Variants in SRGAP3 observed in about 807,000 individuals in gnomAD.
SRGAP3 encodes SLIT-ROBO Rho GTPase-activating protein 3.
SRGAP3 carries 39 observed loss-of-function variants against 121.1 expected under a neutral mutation model. The observed-to-expected ratio is 0.32, with a 90% CI of 0.25 to 0.42. The LOEUF (loss-of-function observed/expected upper bound fraction) is 0.42, where lower values mean the gene tolerates loss of function less well. Ranked by LOEUF, SRGAP3 falls within the 10% of genes least tolerant of loss-of-function variation. SRGAP3 has a pLI of 1.00. For missense variants in SRGAP3, 1,213 were observed against 1,470.6 expected (o/e 0.82, Z 2.86); for synonymous variants, 601 against 570.0 (o/e 1.05, Z -0.77).
At chr3:8,995,363 C>A (rs1408839824) in intron 18 of SRGAP3, among the ~76,000 whole-genome samples, 2 of 152,128 alleles carry the variant, frequency 1.3e-5, no homozygotes, top group African/African-American at 4.8e-5. Context: ...GTGGTGCCAG[C>A]TACTCTAGGG....
intron 1 of SRGAP3, among the ~76,000 whole-genome samples, chr3:9,331,905 C>A (rs62244938): frequency 6.6e-6 from 1 of 152,118 alleles, no homozygotes; most frequent in Non-Finnish European, 1.5e-5. Flanking sequence ...AGAAAAACTA[C>A]CCAGAAAACC....
intron 6 of SRGAP3, 161 bp from the exon 7 acceptor site, chr3:9,058,633 G>A (rs1301454169): frequency 7.0e-5 from 49 of 704,036 alleles, no homozygotes; most frequent in Admixed American, 3.8e-4. Context: ...CAAACCTCAC[G>A]GCGCCCCTCA....
intron 1 of SRGAP3, among the ~76,000 whole-genome samples, chr3:9,350,389 T>C (rs1341627713): frequency 6.6e-6 from 1 of 152,166 alleles, no homozygotes; most frequent in Non-Finnish European, 1.5e-5. Flanking sequence ...AGGATATGTA[T>C]GGACAGAAAA....
chr3:9,257,983 A>G (rs1052769364), intron 3 of SRGAP3, among the ~76,000 whole-genome samples: 1 of 152,154 alleles, frequency 6.6e-6, no homozygotes, highest in African/African-American at 2.4e-5. Flanking sequence ...GATTATAGGC[A>G]TAAGCCACCA....
chr3:9,310,433 CTCA>C (rs1955222870), intron 3 of SRGAP3, among the ~76,000 whole-genome samples: 1 of 152,164 alleles, frequency 6.6e-6, no homozygotes, highest in East Asian at 1.9e-4. Context: ...TTACCATAAG[CTCA>C]TCAGTGTATC....
At chr3:9,037,808 G>A (rs1044411421) in intron 11 of SRGAP3, 2 of 580,556 alleles carry the variant, frequency 3.4e-6, no homozygotes. Flanking sequence ...GCAAAGGGAG[G>A]GTGCCCCACT....
chr3:9,015,844 G>T, intron 14 of SRGAP3, 113 bp from the exon 15 acceptor site: 3 of 1,342,964 alleles, frequency 2.2e-6, no homozygotes, highest in East Asian at 2.3e-5. Context: ...AGGCAGATGG[G>T]AAAAGTCTCC....
chr3:9,275,937 C>T (rs939941333), intron 3 of SRGAP3, among the ~76,000 whole-genome samples: 1 of 152,114 alleles, frequency 6.6e-6, no homozygotes, highest in Non-Finnish European at 1.5e-5. Context: ...TGGTGGCTCA[C>T]ACCTGTAATC....
chr3:9,004,576 T>A (rs341796), intron 18 of SRGAP3, among the ~76,000 whole-genome samples: 124,482 of 152,212 alleles, frequency 0.82, 51,682 homozygotes, highest in African/African-American at 0.94. Flanking sequence ...ATAGACATAT[T>A]GGTCAGTGGA....
intron 3 of SRGAP3, among the ~76,000 whole-genome samples, chr3:9,317,378 T>TTTTAA (rs1350977790): frequency 6.6e-6 from 1 of 152,190 alleles, no homozygotes; most frequent in East Asian, 1.9e-4. Flanking sequence ...TGGTAAAGGT[T>TTTTAA]TTTAAGATCA....
intron 5 of SRGAP3, 56 bp downstream of exon 5, chr3:9,064,340 G>T: frequency 6.2e-7 from 1 of 1,610,224 alleles, no homozygotes; most frequent in South Asian, 1.1e-5. Context: ...CCAAGACCAT[G>T]GCCCTCCCCT....
chr3:9,266,525 T>C (rs1954371138), intron 3 of SRGAP3, among the ~76,000 whole-genome samples: 1 of 152,180 alleles, frequency 6.6e-6, no homozygotes, highest in South Asian at 2.1e-4. Context: ...AGGTGATCAA[T>C]AAACATTCCT....
chr3:9,005,019 T>A (rs561943199), intron 18 of SRGAP3, among the ~76,000 whole-genome samples: 36 of 152,352 alleles, frequency 2.4e-4, no homozygotes, highest in African/African-American at 7.9e-4. Context: ...GTATATCTGA[T>A]AAGGGACTTA....
chr3:9,223,768 A>T (rs1406573510), intron 1 of SRGAP3, among the ~76,000 whole-genome samples: 1 of 152,216 alleles, frequency 6.6e-6, no homozygotes, highest in Non-Finnish European at 1.5e-5. Context: ...GCTTCAAGGC[A>T]TCAACTGTTT....
chr3:9,141,030 T>A (rs905461357), intron 1 of SRGAP3, among the ~76,000 whole-genome samples: 1 of 152,214 alleles, frequency 6.6e-6, no homozygotes, highest in Non-Finnish European at 1.5e-5. Context: ...TGACAAAATA[T>A]ATCCAGATTC....
At chr3:9,194,273 A>G (rs6776837) in intron 1 of SRGAP3, 35,023 of 152,016 alleles carry the variant, frequency 0.23, 4,565 homozygotes, top group African/African-American at 0.36. Context: ...GGAATCCCAA[A>G]TGGGCCATTT....
intron 3 of SRGAP3, among the ~76,000 whole-genome samples, chr3:9,266,416 A>G (rs553935192): frequency 1.3e-5 from 2 of 152,188 alleles, no homozygotes; most frequent in East Asian, 3.9e-4. Context: ...GCAGGGGATC[A>G]TTGTTTAGGC....
At chr3:9,166,706 G>A (rs181387807) in intron 1 of SRGAP3, among the ~76,000 whole-genome samples, 60 of 152,174 alleles carry the variant, frequency 3.9e-4, no homozygotes, top group Admixed American at 3.0e-3. Flanking sequence ...CTAACACCTC[G>A]TTATTTACAG....
chr3:9,108,940 G>A (rs987673083), intron 2 of SRGAP3, among the ~76,000 whole-genome samples: 2 of 152,204 alleles, frequency 1.3e-5, no homozygotes, highest in Admixed American at 6.5e-5. Flanking sequence ...GAAAGAGGAG[G>A]AAGGAGCAGA....
Sources: gnomAD v4.1 joint callset for allele counts (sites outside exome capture counted in the v4.1 genomes callset) on GRCh38, gnomAD v4.1.1 for gene constraint, MANE v1.5 for transcripts, NCBI Gene and HGNC (gene_info 2026-07-23, HGNC 2026-07-21) for gene names.